SCRG1: variants seen among roughly 807,000 people sequenced by gnomAD.
SCRG1 encodes scrapie-responsive protein 1.
SCRG1 carries 3 observed loss-of-function variants against 7.7 expected under a neutral mutation model. That is an observed-to-expected ratio of 0.39 (90% confidence interval 0.18 to 1.01). The LOEUF (loss-of-function observed/expected upper bound fraction) is 1.01, where lower values mean the gene tolerates loss of function less well. Ranked by LOEUF, SCRG1 falls within the 50% of genes least tolerant of loss-of-function variation. The probability of loss-of-function intolerance (pLI) is 0.36; values close to 1 mark genes in which losing one functional copy is unlikely to be tolerated. For missense variants in SCRG1, 110 were observed against 117.2 expected, an observed-to-expected ratio of 0.94 and a Z score of 0.28; for synonymous variants, 46 against 41.2, an observed-to-expected ratio of 1.12 and a Z score of -0.44.
chr4:173,398,029 T>C (rs1739653093), intron 1 of SCRG1, among the ~76,000 whole-genome samples: 1 of 152,234 alleles, frequency 6.6e-6, no homozygotes, highest in African/African-American at 2.4e-5. Flanking sequence ...CTCATCTCTC[T>C]TGGAGGATGA....
At chr4:173,439,677 T>G in the SCRG1 span, among the ~76,000 whole-genome samples, 1 of 152,122 alleles carries the variant, frequency 6.6e-6, no homozygotes, top group Non-Finnish European at 1.5e-5. Context: ...AAAGTTTTCT[T>G]ATTTGGGGCA....
At chr4:173,401,936 C>A (rs561437918), upstream of SCRG1, among the ~76,000 whole-genome samples, 1 of 152,212 alleles carries the variant, frequency 6.6e-6, no homozygotes, top group Non-Finnish European at 1.5e-5. Context: ...CAAACCAAGG[C>A]CTGCAATCAC....
the SCRG1 span, among the ~76,000 whole-genome samples, chr4:173,457,951 T>C: frequency 6.6e-6 from 1 of 152,222 alleles, no homozygotes; most frequent in Non-Finnish European, 1.5e-5. Context: ...AAGTTCTGTC[T>C]GTCTTCAACT....
At chr4:173,502,990 GGA>G in the SCRG1 span, among the ~76,000 whole-genome samples, 1 of 152,176 alleles carries the variant, frequency 6.6e-6, no homozygotes, top group African/African-American at 2.4e-5. The surrounding 1 kb of genome is among the most constrained non-coding windows in gnomAD (Gnocchi z 4.6). Flanking sequence ...TCACGAAGAA[GGA>G]GTGTGCTCTG....
At chr4:173,453,970 C>T in the SCRG1 span, among the ~76,000 whole-genome samples, 11 of 151,394 alleles carry the variant, frequency 7.3e-5, no homozygotes, top group South Asian at 2.1e-4. Context: ...CCCAGCTACT[C>T]GGGAGGCTGA....
the SCRG1 span, among the ~76,000 whole-genome samples, chr4:173,496,942 T>A: frequency 6.6e-6 from 1 of 151,928 alleles, no homozygotes; most frequent in East Asian, 1.9e-4. Flanking sequence ...CCGTCTCTAC[T>A]AAAAATACAA....
At chr4:173,461,977 C>G in the SCRG1 span, among the ~76,000 whole-genome samples, 1 of 152,018 alleles carries the variant, frequency 6.6e-6, no homozygotes, top group South Asian at 2.1e-4. Flanking sequence ...AATTAGTGGG[C>G]TTGAAGACAA....
chr4:173,482,513 A>G, the SCRG1 span, among the ~76,000 whole-genome samples: 555 of 152,248 alleles, frequency 3.6e-3, 3 homozygotes, highest in African/African-American at 0.013. Flanking sequence ...ACTCTGTCCA[A>G]AAGAATGAGG....
chr4:173,499,469 G>A, the SCRG1 span, among the ~76,000 whole-genome samples: 2 of 152,222 alleles, frequency 1.3e-5, no homozygotes, highest in South Asian at 4.1e-4. The surrounding 1 kb of genome is among the most constrained non-coding windows in gnomAD (Gnocchi z 4.1). Context: ...CAGTTGATAA[G>A]GAAGAGGAGC....
At chr4:173,424,267 T>A in the SCRG1 span, among the ~76,000 whole-genome samples, 1 of 152,196 alleles carries the variant, frequency 6.6e-6, no homozygotes, top group African/African-American at 2.4e-5. Context: ...TTCATACTAT[T>A]AGCATTTAGC....
chr4:173,490,857 G>A, the SCRG1 span, among the ~76,000 whole-genome samples: 3 of 152,076 alleles, frequency 2.0e-5, no homozygotes, highest in Admixed American at 1.3e-4. Context: ...GTCTTGCTGT[G>A]GAGTTAACTC....
At chr4:173,479,677 T>C in the SCRG1 span, among the ~76,000 whole-genome samples, 1 of 151,970 alleles carries the variant, frequency 6.6e-6, no homozygotes, top group African/African-American at 2.4e-5. Flanking sequence ...CTGACCTCAG[T>C]GATCCACTCG....
intron 1 of SCRG1, among the ~76,000 whole-genome samples, chr4:173,405,584 A>G (rs1440775467): frequency 6.6e-6 from 1 of 152,196 alleles, no homozygotes; most frequent in Non-Finnish European, 1.5e-5. Flanking sequence ...AAATTTGTCC[A>G]TCATTGCTTA....
the SCRG1 span, among the ~76,000 whole-genome samples, chr4:173,474,492 GA>G: frequency 6.6e-6 from 1 of 152,090 alleles, no homozygotes; most frequent in African/African-American, 2.4e-5. Context: ...AAAAGAGTCA[GA>G]AATTCTTTAC....
At chr4:173,398,679 AT>A (rs1739670209) in intron 1 of SCRG1, among the ~76,000 whole-genome samples, 1 of 152,246 alleles carries the variant, frequency 6.6e-6, no homozygotes, top group Admixed American at 6.5e-5. Flanking sequence ...AGTGTAGGTA[AT>A]ATAGCTGCTG....
the SCRG1 span, among the ~76,000 whole-genome samples, chr4:173,495,388 CTT>C: frequency 2.6e-5 from 4 of 152,318 alleles, no homozygotes; most frequent in Admixed American, 6.5e-5. Flanking sequence ...TTCGGCATGA[CTT>C]TTAAACGGTG....
chr4:173,454,784 C>T, the SCRG1 span, among the ~76,000 whole-genome samples: 2 of 152,228 alleles, frequency 1.3e-5, no homozygotes, highest in East Asian at 3.9e-4. Context: ...ATAGACGTGA[C>T]ACCTATTGCA....
the SCRG1 span, among the ~76,000 whole-genome samples, chr4:173,500,770 TGTAAATTTATAAATTTATACA>T: frequency 1.3e-5 from 2 of 150,546 alleles, no homozygotes; most frequent in South Asian, 2.1e-4. Flanking sequence ...AAATTTATAC[TGTAAATTTATAAATTTATACA>T]GGCCCTAGTA....
the SCRG1 span, among the ~76,000 whole-genome samples, chr4:173,499,517 G>A: frequency 2.0e-5 from 3 of 152,202 alleles, no homozygotes; most frequent in Non-Finnish European, 4.4e-5. This position sits in a 1 kb window ranked among gnomAD's most constrained non-coding sequence, Gnocchi z 4.1. Context: ...AATTTAAAAA[G>A]TGGTTTGACA....
Sources: allele counts gnomAD v4.1 joint callset (sites outside exome capture counted in the v4.1 genomes callset), GRCh38; gene constraint gnomAD v4.1.1; non-coding constraint Gnocchi (gnomAD v3.1); transcripts MANE v1.5; gene names NCBI Gene and HGNC (gene_info 2026-07-23, HGNC 2026-07-21).